CACNG2: variants seen among roughly 807,000 people sequenced by gnomAD.
CACNG2 encodes voltage-dependent calcium channel gamma-2 subunit.
CACNG2 carries 3 observed loss-of-function variants against 25.9 expected under a neutral mutation model. The observed-to-expected ratio is 0.12, with a 90% confidence interval of 0.05 to 0.30. The LOEUF (loss-of-function observed/expected upper bound fraction) is 0.30. Ranked by LOEUF, CACNG2 falls within the 10% of genes least tolerant of loss-of-function variation. CACNG2 has a pLI of 1.00. For missense variants in CACNG2, 341 were observed against 432.5 expected (o/e 0.79, Z 1.88); for synonymous variants, 167 against 173.3 (o/e 0.96, Z 0.29).
chr22:36,664,387 C>T (rs1438904864), intron 1 of CACNG2, among the ~76,000 whole-genome samples: 1 of 152,242 alleles, frequency 6.6e-6, no homozygotes, highest in African/African-American at 2.4e-5. Flanking sequence ...CAGCAGTGAA[C>T]AGGATGAGCA....
intron 2 of CACNG2, among the ~76,000 whole-genome samples, chr22:36,573,949 A>G (rs527458107): frequency 1.1e-4 from 17 of 152,206 alleles, no homozygotes; most frequent in African/African-American, 4.1e-4. Flanking sequence ...TGGAGGAGGC[A>G]TGGCTCCTTC....
At chr22:36,574,185 C>T (rs1265275005) in intron 2 of CACNG2, among the ~76,000 whole-genome samples, 1 of 152,186 alleles carries the variant, frequency 6.6e-6, no homozygotes, top group Non-Finnish European at 1.5e-5. Flanking sequence ...ATCTGATTTG[C>T]ATCTTAAGAA....
intron 1 of CACNG2, among the ~76,000 whole-genome samples, chr22:36,654,036 G>A (rs920633373): frequency 1.3e-5 from 2 of 149,478 alleles, no homozygotes; most frequent in Non-Finnish European, 3.0e-5. Context: ...GCATTTGGGG[G>A]GTACTTTCAG....
At chr22:36,691,043 T>G (rs1318135529) in intron 1 of CACNG2, among the ~76,000 whole-genome samples, 1 of 152,194 alleles carries the variant, frequency 6.6e-6, no homozygotes, top group African/African-American at 2.4e-5. Context: ...TTCATGCTTG[T>G]TCACACCTCT....
intron 1 of CACNG2, among the ~76,000 whole-genome samples, chr22:36,668,854 T>C (rs561866234): frequency 3.1e-4 from 47 of 152,196 alleles, no homozygotes; most frequent in African/African-American, 1.1e-3. Flanking sequence ...AGCACCCATG[T>C]CAGAGGGCAG....
Position 36,566,431 on chromosome 22 carries a change from G to A in CACNG2, c.358C>T (p.Leu120Phe). ...LSVILLFMGG[L>F]CIAASEFYKT... ...TAGAACTCGCTGGCTGCGATGCAGAGGCCACCCATGAAAAGCAGAATCACA... is the reference window on the plus strand; with the variant it reads ...TAGAACTCGCTGGCTGCGATGCAGAAGCCACCCATGAAAAGCAGAATCACA... The change falls in exon 3 of 4, where the codon CTC (leucine) becomes TTC (phenylalanine). Residue 120 changes from leucine (L) to phenylalanine (F), a missense_variant. Physicochemically the swap from Leu to Phe is conservative, Grantham distance 22. Transcript: ENST00000300105. The A allele has an allele frequency of 6.2e-7, 1 of 1,614,122 alleles. No homozygotes were observed. Among genetic ancestry groups the A allele is most frequent in the South Asian group, 1.1e-5 (1 of 91,086 alleles).
chr22:36,644,296 G>A (rs1053563263), intron 1 of CACNG2, among the ~76,000 whole-genome samples: 8 of 152,170 alleles, frequency 5.3e-5, no homozygotes, highest in African/African-American at 1.9e-4. Flanking sequence ...CATGATCTTT[G>A]TAAGAGAAAG....
At chr22:36,637,324 T>C (rs1936372020) in intron 1 of CACNG2, among the ~76,000 whole-genome samples, 1 of 152,242 alleles carries the variant, frequency 6.6e-6, no homozygotes, top group Non-Finnish European at 1.5e-5. Context: ...ATTGAGTTAC[T>C]GTTCAAGTGA....
intron 1 of CACNG2, among the ~76,000 whole-genome samples, chr22:36,639,969 C>A (rs1936418530): frequency 6.6e-6 from 1 of 152,132 alleles, no homozygotes; most frequent in Non-Finnish European, 1.5e-5. Flanking sequence ...GAGTTCCTGT[C>A]AATGGGAGTC....
chr22:36,580,667 T>C (rs1935400073), intron 2 of CACNG2, among the ~76,000 whole-genome samples: 1 of 152,112 alleles, frequency 6.6e-6, no homozygotes, highest in African/African-American at 2.4e-5. Context: ...GACCTGACCA[T>C]ACCCCGCAGT....
At chr22:36,628,708 G>C (rs1936223233) in intron 1 of CACNG2, among the ~76,000 whole-genome samples, 1 of 152,082 alleles carries the variant, frequency 6.6e-6, no homozygotes, top group African/African-American at 2.4e-5. Context: ...CTGATTGTTT[G>C]GGTTCACTGG....
At chr22:36,578,804 C>T (rs909080786) in intron 2 of CACNG2, among the ~76,000 whole-genome samples, 2 of 152,158 alleles carry the variant, frequency 1.3e-5, no homozygotes, top group African/African-American at 4.8e-5. Flanking sequence ...CTTAGCAAAC[C>T]TCTCCTGGGT....
At chr22:36,699,955 C>T (rs976689232) in intron 1 of CACNG2, among the ~76,000 whole-genome samples, 5 of 152,256 alleles carry the variant, frequency 3.3e-5, no homozygotes, top group African/African-American at 1.2e-4. Context: ...CTCCAATTGA[C>T]AGAGGCTTTG....
At position 36,568,594 on chromosome 22, in the gene CACNG2, G is replaced by A. The variant is rs567356758; in HGVS notation, c.296-2101C>T. ...TAGTTTTTGTATTTTTAGTAGAGAC[G>A]GGGTTTCGCTATGTTGGCCAGGCTG... On this transcript the variant is annotated intron_variant, in intron 2 of 3. Coordinates refer to ENST00000300105, the MANE Select transcript of CACNG2 (RefSeq NM_006078.5). Among the ~76,000 whole-genome samples the A allele has an allele frequency of 8.6e-5, 13 of 151,728 alleles. No individual in the cohort carries two copies. The East Asian group carries it at 9.8e-4, about 11-fold the overall frequency.
At chr22:36,697,832 T>C (rs1223482489) in intron 1 of CACNG2, among the ~76,000 whole-genome samples, 1 of 152,228 alleles carries the variant, frequency 6.6e-6, no homozygotes, top group Non-Finnish European at 1.5e-5. Flanking sequence ...CTCAGAGGTG[T>C]CTGTTCTGGG....
chr22:36,699,761 G>A (rs182058290), intron 1 of CACNG2, among the ~76,000 whole-genome samples: 70 of 152,282 alleles, frequency 4.6e-4, no homozygotes, highest in Admixed American at 1.7e-3. Flanking sequence ...ACCCCATTCT[G>A]AGTGCTCATA....
intron 1 of CACNG2, among the ~76,000 whole-genome samples, chr22:36,596,052 A>G (rs1385348372): frequency 6.6e-6 from 1 of 152,244 alleles, no homozygotes; most frequent in Non-Finnish European, 1.5e-5. Context: ...AAACCTGGTC[A>G]TTAGGGGCTG....
At chr22:36,680,647 TATCACCACC>T (rs145413337) in intron 1 of CACNG2, among the ~76,000 whole-genome samples, 120 of 5,006 alleles carry the variant, frequency 0.024, 14 homozygotes, top group Non-Finnish European at 0.027. Flanking sequence ...CCACCATCAT[TATCACCACC>T]ATCACCACCA....
At chr22:36,652,977 C>G (rs535683567) in intron 1 of CACNG2, among the ~76,000 whole-genome samples, 1 of 152,092 alleles carries the variant, frequency 6.6e-6, no homozygotes, top group East Asian at 1.9e-4. Flanking sequence ...TAGGCAAAGA[C>G]AGAGATGTGT....
Sources: gnomAD v4.1 joint callset for allele counts (sites outside exome capture counted in the v4.1 genomes callset) on GRCh38, gnomAD v4.1.1 for gene constraint, MANE v1.5 for transcripts, NCBI Gene and HGNC (gene_info 2026-07-23, HGNC 2026-07-21) for gene names.